PDIA5: variants seen among roughly 807,000 people sequenced by gnomAD.
PDIA5 encodes protein disulfide isomerase family A member 5, also known as protein disulfide-isomerase A5.
Under a neutral mutation model 77.6 loss-of-function variants are expected in PDIA5, and 58 were observed. The ratio of observed to expected loss-of-function variants is 0.75; its 90% CI spans 0.61 to 0.93. PDIA5 has a LOEUF of 0.93. Among genes scored for constraint, PDIA5 ranks in the 40% least tolerant of loss-of-function variants. The pLI, the probability that PDIA5 is intolerant of heterozygous loss-of-function variation, is 0.00. For missense variants in PDIA5, 630 were observed against 647.7 expected (o/e 0.97, Z 0.30); for synonymous variants, 250 against 252.1 (o/e 0.99, Z 0.08).
intron 10 of PDIA5, among the ~76,000 whole-genome samples, chr3:123,126,190 G>A (rs758288081): frequency 7.2e-5 from 11 of 151,936 alleles, no homozygotes; most frequent in Middle Eastern, 3.4e-3. Flanking sequence ...TTATCTCCCC[G>A]CTGGAGCCTC....
At chr3:123,120,678 G>T (rs836848) in intron 8 of PDIA5, among the ~76,000 whole-genome samples, 108,303 of 152,124 alleles carry the variant, frequency 0.71, 39,480 homozygotes, top group Non-Finnish European at 0.8. Context: ...TTGCTTCACA[G>T]CTCCATCTGG....
intron 8 of PDIA5, among the ~76,000 whole-genome samples, chr3:123,116,775 G>A (rs61336526): frequency 0.016 from 2,405 of 152,276 alleles, 60 homozygotes; most frequent in African/African-American, 0.052. Flanking sequence ...CCTGTGGGGC[G>A]GGAAGAACGG....
intron 1 of PDIA5, among the ~76,000 whole-genome samples, chr3:123,071,494 A>T (rs1159479171): frequency 6.6e-6 from 1 of 152,204 alleles, no homozygotes; most frequent in African/African-American, 2.4e-5. Context: ...TTATATATTT[A>T]ATAGGCTTTT....
Position 123,154,956 on chromosome 3 carries a change from TC to T in PDIA5, c.1274-11del. ...TGCATCACAGTCCTGTGTGCTCTCTTCCCCTCTCACACAGGGTGCCCACACT... is the reference window on the plus strand; with the variant it reads ...TGCATCACAGTCCTGTGTGCTCTCTTCCCTCTCACACAGGGTGCCCACACT... On this transcript the variant is annotated splice_polypyrimidine_tract_variant and intron_variant, in intron 14 of 16. Transcript: ENST00000316218. 1.3e-6 allele frequency: 2 copies of T among 1,571,564 alleles called. No individual in the cohort carries two copies. The highest frequency in any genetic ancestry group is 8.8e-7 in the Non-Finnish European group (1 of 1,141,326).
At chr3:123,111,992 T>C (rs2107942872) in intron 7 of PDIA5, among the ~76,000 whole-genome samples, 1 of 152,320 alleles carries the variant, frequency 6.6e-6, no homozygotes, top group South Asian at 2.1e-4. Context: ...AACCCAGCCA[T>C]GGCCATACAT....
Position 123,161,450 on chromosome 3 carries a change from C to T in PDIA5, c.1474C>T (p.Arg492Cys), listed in dbSNP as rs764429278. The change falls in exon 16 of 17, where the codon CGC becomes TGC. Residue 492 changes from arginine (R) to cysteine (C), a missense_variant. Transcript: ENST00000316218. ...GKFAEKYDSD[R>C]TELGFTNYIR... ...GTTCGCAGAAAAGTATGACAGCGACCGCACAGTAAGTGGGGGAGAGGCGTC... is the reference window on the plus strand; with the variant it reads ...GTTCGCAGAAAAGTATGACAGCGACTGCACAGTAAGTGGGGGAGAGGCGTC... 1.1e-5 allele frequency: 18 copies of T among 1,613,676 alleles called. No individual in the cohort carries two copies. Among genetic ancestry groups the T allele is most frequent in the Admixed American group, 5.0e-5 (3 of 59,994 alleles).
At chr3:123,075,783 G>A (rs529171554) in intron 1 of PDIA5, among the ~76,000 whole-genome samples, 2 of 152,258 alleles carry the variant, frequency 1.3e-5, no homozygotes, top group African/African-American at 4.8e-5. Flanking sequence ...CCCTGGAGAT[G>A]TTTTTCTTCA....
intron 1 of PDIA5, among the ~76,000 whole-genome samples, chr3:123,084,510 C>T (rs1415199737): frequency 6.6e-6 from 1 of 152,096 alleles, no homozygotes; most frequent in Admixed American, 6.5e-5. Context: ...CTGTCTCCTC[C>T]CTCTGAGCCC....
At chr3:123,118,961 A>G (rs184106550) in intron 8 of PDIA5, among the ~76,000 whole-genome samples, 28 of 152,316 alleles carry the variant, frequency 1.8e-4, no homozygotes, top group South Asian at 6.2e-4. Context: ...TTCAGAATAT[A>G]AGCTTCCAGC....
intron 6 of PDIA5, among the ~76,000 whole-genome samples, chr3:123,110,012 T>C (rs950942684): frequency 2.0e-5 from 3 of 152,260 alleles, no homozygotes; most frequent in African/African-American, 4.8e-5. Flanking sequence ...TTCCTTATTA[T>C]TCAAAAGAGA....
chr3:123,113,548 G>A (rs1934918474), intron 7 of PDIA5, among the ~76,000 whole-genome samples: 1 of 152,226 alleles, frequency 6.6e-6, no homozygotes, highest in Admixed American at 6.5e-5. Flanking sequence ...CAGATCGGTT[G>A]CACTCCTAGG....
intron 8 of PDIA5, 69 bp downstream of exon 8, chr3:123,116,367 G>A (rs935193641): frequency 5.4e-6 from 6 of 1,119,228 alleles, no homozygotes; most frequent in Admixed American, 1.7e-5. Context: ...GGTGCCAGGG[G>A]TGGGGTGGGG....
intron 11 of PDIA5, among the ~76,000 whole-genome samples, chr3:123,143,116 G>C (rs1560551933): frequency 6.6e-6 from 1 of 151,986 alleles, no homozygotes; most frequent in Non-Finnish European, 1.5e-5. Flanking sequence ...GCTGGGCATG[G>C]TGGCTCACAC....
At chr3:123,150,934 A>G (rs975857136) in intron 14 of PDIA5, among the ~76,000 whole-genome samples, 1 of 152,138 alleles carries the variant, frequency 6.6e-6, no homozygotes, top group Non-Finnish European at 1.5e-5. Flanking sequence ...TTGTTAATTG[A>G]TACTTACAAT....
At chr3:123,149,959 TG>T (rs993259286) in intron 13 of PDIA5, among the ~76,000 whole-genome samples, 1 of 152,020 alleles carries the variant, frequency 6.6e-6, no homozygotes, top group Non-Finnish European at 1.5e-5. Context: ...GGCCCACAAC[TG>T]GGGGGGCTGC....
At chr3:123,133,980 T>TTCTTC (rs1935430989) in intron 11 of PDIA5, among the ~76,000 whole-genome samples, 1 of 148,708 alleles carries the variant, frequency 6.7e-6, no homozygotes, top group Admixed American at 6.7e-5. Flanking sequence ...TTCTTTTCTT[T>TTCTTC]TCTTTTCCTT....
chr3:123,113,259 G>A (rs555451759), intron 7 of PDIA5, among the ~76,000 whole-genome samples: 75 of 152,296 alleles, frequency 4.9e-4, no homozygotes, highest in African/African-American at 1.8e-3. Context: ...CGGCATCCGG[G>A]TGTAACCAGG....
intron 6 of PDIA5, 142 bp from the exon 7 acceptor site, chr3:123,110,802 C>G: frequency 1.3e-6 from 1 of 749,222 alleles, no homozygotes; most frequent in Non-Finnish European, 2.4e-6. Flanking sequence ...CAGCTGCCAG[C>G]GTATGCTTTC....
intron 15 of PDIA5, among the ~76,000 whole-genome samples, chr3:123,158,670 A>G (rs755442359): frequency 6.6e-6 from 1 of 152,268 alleles, no homozygotes; most frequent in Non-Finnish European, 1.5e-5. Context: ...GGCTGGGAGG[A>G]TGCTCTGAGG....
Sources: gnomAD v4.1 joint callset for allele counts (sites outside exome capture counted in the v4.1 genomes callset) on GRCh38, gnomAD v4.1.1 for gene constraint, MANE v1.5 for transcripts, NCBI Gene and HGNC (gene_info 2026-07-23, HGNC 2026-07-21) for gene names.